The following NRCAM variants were observed in gnomAD, a reference collection of about 807,000 sequenced individuals.
NRCAM encodes NgCAM-related cell adhesion molecule.
Under a neutral mutation model 156.5 loss-of-function variants are expected in NRCAM, and 83 were observed. That is an observed-to-expected ratio of 0.53 (90% CI 0.44 to 0.64). The LOEUF (loss-of-function observed/expected upper bound fraction) is 0.64. NRCAM is among the 30% of genes least tolerant of loss of function. The pLI is 0.00. For synonymous variants in NRCAM, 538 were observed against 563.9 expected (o/e 0.95, Z 0.65); for missense variants, 1,417 against 1,597.3 (o/e 0.89, Z 1.92).
chr7:108,211,964 C>T (rs1422947712), intron 11 of NRCAM, among the ~76,000 whole-genome samples: 2 of 152,194 alleles, frequency 1.3e-5, no homozygotes, highest in African/African-American at 2.4e-5. Flanking sequence ...AACATTAAAC[C>T]ACCAAACCTA....
chr7:108,326,222 T>A (rs560911812), intron 2 of NRCAM, among the ~76,000 whole-genome samples: 17 of 152,336 alleles, frequency 1.1e-4, no homozygotes, highest in Non-Finnish European at 2.4e-4. Context: ...ATGTTTTGAT[T>A]CAAAAAATCA....
At chr7:108,314,234 C>T (rs2098846974) in intron 2 of NRCAM, among the ~76,000 whole-genome samples, 3 of 152,170 alleles carry the variant, frequency 2.0e-5, no homozygotes, top group Admixed American at 6.5e-5. Flanking sequence ...AATTGTATTA[C>T]CATGTCAGCA....
intron 3 of NRCAM, among the ~76,000 whole-genome samples, chr7:108,244,164 C>T (rs570123019): frequency 2.6e-5 from 4 of 152,164 alleles, no homozygotes; most frequent in African/African-American, 2.4e-5. Context: ...TTGAAGGCCA[C>T]GCATTACTCG....
At chr7:108,440,978 C>G (rs1161798707) in intron 1 of NRCAM, among the ~76,000 whole-genome samples, 1 of 152,140 alleles carries the variant, frequency 6.6e-6, no homozygotes, top group Non-Finnish European at 1.5e-5. Flanking sequence ...GATCTGGACA[C>G]CATGAAGCAC....
At position 108,268,294 on chromosome 7, in the gene NRCAM, A is replaced by C. The variant is rs529486715; in HGVS notation, c.-106-28124T>G. Among the ~76,000 whole-genome samples, 5 of 152,304 alleles carry C rather than the reference A, an allele frequency of 3.3e-5. No individual in the cohort carries two copies. The South Asian group carries it at 1.0e-3, about 32-fold the overall frequency. On this transcript the variant is annotated intron_variant, in intron 3 of 32. Transcript: ENST00000379028. ...TGAGTTTCCTTGCAAACAGGAAAAG[A>C]AGCAGTGGATGTTCCAAAACTGGGG...
chr7:108,353,139 T>C (rs1259652946), intron 2 of NRCAM, among the ~76,000 whole-genome samples: 1 of 152,156 alleles, frequency 6.6e-6, no homozygotes, highest in Non-Finnish European at 1.5e-5. Flanking sequence ...TAATTCTTCT[T>C]GTTTCTTGTC....
At chr7:108,200,569 A>T (rs1453137982) in intron 13 of NRCAM, among the ~76,000 whole-genome samples, 2 of 152,214 alleles carry the variant, frequency 1.3e-5, no homozygotes, top group Non-Finnish European at 2.9e-5. Context: ...GGGGTGCTGG[A>T]ACACAAAGCA....
At position 108,407,418 on chromosome 7, in the gene NRCAM, T is replaced by C. The variant is rs915434202; in HGVS notation, c.-331-7825A>G. Among the ~76,000 whole-genome samples the C allele has an allele frequency of 9.9e-5, 15 of 152,200 alleles. 1 individual carries two copies. The highest frequency in any genetic ancestry group is 5.9e-4 in the Admixed American group (9 of 15,282). ...ACTGGCTGAAAAACCACCAGTAAGA[T>C]TGTTATATGGAATCTGATATATGGA... On this transcript the variant is annotated intron_variant, in intron 1 of 32. Coordinates refer to ENST00000379028, the MANE Select transcript of NRCAM (RefSeq NM_001037132.4).
intron 2 of NRCAM, among the ~76,000 whole-genome samples, chr7:108,345,421 A>C (rs2099345922): frequency 6.6e-6 from 1 of 152,248 alleles, no homozygotes; most frequent in African/African-American, 2.4e-5. Flanking sequence ...ATATCATTAC[A>C]AAATAGTGTT....
In NRCAM at chr7:108,166,984, G is replaced by A. The variant is rs201318713; in HGVS notation, c.3403C>T (p.Arg1135Ter). The change falls in exon 30 of 33, where the codon CGA becomes TGA. Residue 1135 changes from arginine to a stop codon, truncating the protein, a stop_gained. Coordinates refer to ENST00000379028, the MANE Select transcript of NRCAM (RefSeq NM_001037132.4). LOFTEE classifies it high-confidence loss of function. ...CCAGAGTCCCCCACAGCACCAACTC[G>A]AACTTTGTATGCTGTTCCTGGCATT... ...GLMPGTAYKV[R>*]VGAVGDSGFV... is the part of the protein sequence containing the mutation. 1.1e-5 allele frequency: 17 copies of A among 1,613,884 alleles called. No individual in the cohort carries two copies. Among genetic ancestry groups the A allele is most frequent in the African/African-American group, 1.3e-5 (1 of 75,028 alleles).
chr7:108,225,712 CAG>C lies in NRCAM; in HGVS notation c.722-13_722-12del. ...CATTCAATTCATCCACTGAAATAAA[CAG>C]AATATTATGAAGAGGGCATAAAAGT... On this transcript the variant is annotated splice_polypyrimidine_tract_variant and intron_variant, in intron 9 of 32. Transcript: ENST00000379028. The C allele has an allele frequency of 6.4e-7, 1 of 1,570,406 alleles. No individual in the cohort carries two copies. Among genetic ancestry groups the C allele is most frequent in the Non-Finnish European group, 8.8e-7 (1 of 1,140,564 alleles).
chr7:108,346,233 G>C (rs67652370), intron 2 of NRCAM, among the ~76,000 whole-genome samples: 1 of 151,972 alleles, frequency 6.6e-6, no homozygotes, highest in Non-Finnish European at 1.5e-5. Context: ...GTTATTTTAC[G>C]GATGACGAAA....
intron 1 of NRCAM, among the ~76,000 whole-genome samples, chr7:108,404,339 T>C (rs893997418): frequency 1.3e-5 from 2 of 152,200 alleles, no homozygotes; most frequent in Non-Finnish European, 2.9e-5. Context: ...ATGCAAAGAC[T>C]CTAAGACTTG....
intron 23 of NRCAM, among the ~76,000 whole-genome samples, 168 bp from the exon 24 acceptor site, chr7:108,182,105 T>C (rs1220230543): frequency 1.9e-4 from 2 of 10,768 alleles, no homozygotes; most frequent in African/African-American, 3.1e-4. Context: ...TTGTGAGAGA[T>C]TTTTTTTTTT....
At chr7:108,315,101 C>G (rs926330182) in intron 2 of NRCAM, among the ~76,000 whole-genome samples, 1 of 150,784 alleles carries the variant, frequency 6.6e-6, no homozygotes, top group East Asian at 2.0e-4. Context: ...AAACTTTATA[C>G]GCAAGAATAT....
chr7:108,213,961 G>A (rs1023236376), intron 11 of NRCAM, among the ~76,000 whole-genome samples: 1 of 152,130 alleles, frequency 6.6e-6, no homozygotes, highest in African/African-American at 2.4e-5. Context: ...TGATTGTGGT[G>A]GATAAGCTTT....
chr7:108,450,375 G>A (rs1848964952), intron 1 of NRCAM, among the ~76,000 whole-genome samples: 1 of 151,652 alleles, frequency 6.6e-6, no homozygotes, highest in Non-Finnish European at 1.5e-5. Context: ...AGTAAAATAG[G>A]TCAATTAAGT....
chr7:108,331,001 T>A (rs2099120899), intron 2 of NRCAM, among the ~76,000 whole-genome samples: 1 of 152,202 alleles, frequency 6.6e-6, no homozygotes, highest in Admixed American at 6.5e-5. Flanking sequence ...TATATCCTTA[T>A]AATGCTTAGT....
intron 3 of NRCAM, among the ~76,000 whole-genome samples, chr7:108,307,777 C>A (rs1350100235): frequency 6.6e-6 from 1 of 152,114 alleles, no homozygotes; most frequent in African/African-American, 2.4e-5. Flanking sequence ...GCCTCCTGCT[C>A]CACACTGGGT....
Sources: allele counts gnomAD v4.1 joint callset (sites outside exome capture counted in the v4.1 genomes callset), GRCh38; gene constraint gnomAD v4.1.1; transcripts MANE v1.5; gene names NCBI Gene and HGNC (gene_info 2026-07-23, HGNC 2026-07-21).